CHCHD6: variants seen among roughly 807,000 people sequenced by gnomAD.
CHCHD6 encodes MICOS complex subunit MIC25.
In CHCHD6, 28 loss-of-function variants were observed where a neutral mutation model predicts 32.3. The ratio of observed to expected loss-of-function variants is 0.87; its 90% CI spans 0.64 to 1.19. CHCHD6 has a LOEUF of 1.19. Ranked by LOEUF, CHCHD6 falls within the 50% of genes most tolerant of loss-of-function variation. The pLI is 0.00. For missense variants in CHCHD6, 333 were observed against 307.0 expected (o/e 1.08, Z -0.63); for synonymous variants, 122 against 117.5 (o/e 1.04, Z -0.25).
chr3:126,715,367 G>A (rs1454420230), intron 1 of CHCHD6, among the ~76,000 whole-genome samples: 1 of 152,194 alleles, frequency 6.6e-6, no homozygotes, highest in Non-Finnish European at 1.5e-5. Context: ...CTGGCATATG[G>A]AGTATGCTCT....
intron 5 of CHCHD6, among the ~76,000 whole-genome samples, chr3:126,884,876 G>A (rs1246849828): frequency 1.3e-5 from 2 of 152,202 alleles, no homozygotes; most frequent in Admixed American, 6.5e-5. Flanking sequence ...CTGGGGCATG[G>A]ATCTGCCCCT....
At chr3:126,832,961 T>C (rs1940702353) in intron 4 of CHCHD6, among the ~76,000 whole-genome samples, 1 of 152,220 alleles carries the variant, frequency 6.6e-6, no homozygotes, top group African/African-American at 2.4e-5. Flanking sequence ...CTTTGGGTTA[T>C]GCACTTGGCA....
In CHCHD6 at chr3:126,871,812, C is replaced by T. The variant is rs982834257; in HGVS notation, c.495+19082C>T. On this transcript the variant is annotated intron_variant, in intron 5 of 7. Coordinates refer to ENST00000290913, the MANE Select transcript of CHCHD6 (RefSeq NM_032343.3). ...TCCCGAGTAGCTGGGACTACAGGCACGCACCACCACGCCTGGCTAATTTTT... is the reference window on the plus strand; with the variant it reads ...TCCCGAGTAGCTGGGACTACAGGCATGCACCACCACGCCTGGCTAATTTTT... 5.3e-5 allele frequency among the ~76,000 whole-genome samples: 8 copies of T among 151,812 alleles called. No individual in the cohort carries two copies. In the East Asian group the frequency reaches 5.8e-4, roughly 11 times the overall value.
In CHCHD6 at chr3:126,775,960, G is replaced by C. The variant is rs73201786; in HGVS notation, c.411+42738G>C. On this transcript the variant is annotated intron_variant, in intron 4 of 7. Transcript: ENST00000290913. ...TTTCATGGAGCCACATCGCCACACAGGAGTGGGATTCGCTGAGTGCCAGCC... is the reference window on the plus strand; with the variant it reads ...TTTCATGGAGCCACATCGCCACACACGAGTGGGATTCGCTGAGTGCCAGCC... Among the ~76,000 whole-genome samples, 451 of 152,334 alleles carry C rather than the reference G, an allele frequency of 3.0e-3. 1 individual carries two copies. Among genetic ancestry groups the C allele is most frequent in the Non-Finnish European group, 4.1e-3 (278 of 68,036 alleles).
rs533508611 is a variant in CHCHD6 at position 126,850,881 on chromosome 3, C to T, written c.412-1766C>T. Among the ~76,000 whole-genome samples the T allele has an allele frequency of 1.5e-3, 223 of 152,238 alleles. 1 individual carries two copies. Among genetic ancestry groups the T allele is most frequent in the Admixed American group, 4.3e-3 (66 of 15,288 alleles). On this transcript the variant is annotated intron_variant, in intron 4 of 7. Transcript: ENST00000290913. ...GCTTCAGCAGCACACTTTGAAAAGCCCTGTGAGAAATTCCTGGCATTTAGT... is the reference window on the plus strand; with the variant it reads ...GCTTCAGCAGCACACTTTGAAAAGCTCTGTGAGAAATTCCTGGCATTTAGT...
intron 4 of CHCHD6, among the ~76,000 whole-genome samples, chr3:126,770,455 T>C (rs1328881546): frequency 2.0e-5 from 3 of 152,210 alleles, no homozygotes; most frequent in African/African-American, 7.2e-5. Context: ...AATATGATAC[T>C]GGATGTGGAT....
chr3:126,721,668 C>T (rs1935301027), intron 1 of CHCHD6, among the ~76,000 whole-genome samples: 1 of 152,016 alleles, frequency 6.6e-6, no homozygotes, highest in South Asian at 2.1e-4. Flanking sequence ...TATGTGTGAC[C>T]ATTGCCACAA....
chr3:126,824,275 C>T (rs1940282109), intron 4 of CHCHD6, among the ~76,000 whole-genome samples: 2 of 151,624 alleles, frequency 1.3e-5, no homozygotes, highest in African/African-American at 2.4e-5. Flanking sequence ...TAAGAACCAA[C>T]ATTTGGCCGG....
chr3:126,857,629 A>G (rs963123101), intron 5 of CHCHD6, among the ~76,000 whole-genome samples: 3 of 152,100 alleles, frequency 2.0e-5, no homozygotes, highest in Non-Finnish European at 2.9e-5. Flanking sequence ...AAGCTACACA[A>G]GGTGTTTGGA....
intron 4 of CHCHD6, among the ~76,000 whole-genome samples, chr3:126,762,474 A>C (rs1201053748): frequency 6.6e-6 from 1 of 152,048 alleles, no homozygotes; most frequent in Non-Finnish European, 1.5e-5. Flanking sequence ...TTCTACCTTC[A>C]TTCCATTGTG....
At chr3:126,783,843 C>A (rs1057283724) in intron 4 of CHCHD6, among the ~76,000 whole-genome samples, 1 of 151,832 alleles carries the variant, frequency 6.6e-6, no homozygotes. Flanking sequence ...TGCCATTTTA[C>A]GTGGTGGGAG....
chr3:126,932,935 GT>G (rs2078427532), intron 6 of CHCHD6, among the ~76,000 whole-genome samples: 1 of 152,138 alleles, frequency 6.6e-6, no homozygotes, highest in African/African-American at 2.4e-5. Context: ...GAAGATTGTT[GT>G]TTACTGCTTC....
intron 4 of CHCHD6, among the ~76,000 whole-genome samples, chr3:126,745,211 A>C (rs1439576396): frequency 6.6e-6 from 1 of 152,184 alleles, no homozygotes; most frequent in African/African-American, 2.4e-5. Flanking sequence ...AAGAAGAGGG[A>C]AGAGGGACTG....
At chr3:126,778,569 G>T (rs912339231) in intron 4 of CHCHD6, among the ~76,000 whole-genome samples, 1 of 152,124 alleles carries the variant, frequency 6.6e-6, no homozygotes, top group Non-Finnish European at 1.5e-5. Context: ...CTTTTTTGGA[G>T]AAATGTCTAT....
At chr3:126,716,660 A>G (rs1018848653) in intron 1 of CHCHD6, among the ~76,000 whole-genome samples, 7 of 152,080 alleles carry the variant, frequency 4.6e-5, no homozygotes, top group Non-Finnish European at 1.0e-4. Flanking sequence ...CCCTGAAGAT[A>G]CAGCAGGAGC....
chr3:126,865,779 C>T, intron 5 of CHCHD6: 2 of 967,386 alleles, frequency 2.1e-6, no homozygotes, highest in South Asian at 9.6e-5. Context: ...TCAGTCTCAT[C>T]TACTACTTTG....
intron 4 of CHCHD6, among the ~76,000 whole-genome samples, chr3:126,747,787 C>T (rs984117501): frequency 1.3e-5 from 2 of 152,148 alleles, no homozygotes; most frequent in South Asian, 2.1e-4. Context: ...TTCCTCCATG[C>T]CCATGTTGCT....
chr3:126,871,099 T>C (rs1207477511), intron 5 of CHCHD6, among the ~76,000 whole-genome samples: 1 of 152,160 alleles, frequency 6.6e-6, no homozygotes, highest in Non-Finnish European at 1.5e-5. Context: ...ACGTTCCAAT[T>C]CCCTCATATC....
chr3:126,706,094 C>G (rs1459760130), intron 1 of CHCHD6, among the ~76,000 whole-genome samples: 3 of 152,168 alleles, frequency 2.0e-5, no homozygotes, highest in Non-Finnish European at 4.4e-5. Context: ...AAGCTTGGCT[C>G]TGTTTGGGTG....
Sources: gnomAD v4.1 joint callset for allele counts (sites outside exome capture counted in the v4.1 genomes callset) on GRCh38, gnomAD v4.1.1 for gene constraint, MANE v1.5 for transcripts, NCBI Gene and HGNC (gene_info 2026-07-23, HGNC 2026-07-21) for gene names.